Variants in CD82 observed in about 807,000 individuals in gnomAD.
The protein encoded by CD82 is CD82 antigen.
In CD82, 36 loss-of-function variants were observed where a neutral mutation model predicts 37.4. That is an observed-to-expected ratio of 0.96 (90% CI 0.74 to 1.27). The LOEUF is 1.27. Among genes scored for constraint, CD82 ranks in the 50% most tolerant of loss-of-function variants. The pLI, the probability that CD82 is intolerant of heterozygous loss-of-function variation, is 0.00. For missense variants in CD82, 340 were observed against 347.0 expected, an observed-to-expected ratio of 0.98 and a Z score of 0.16; for synonymous variants, 158 against 137.4, an observed-to-expected ratio of 1.15 and a Z score of -1.05.
Position 44,615,365 on chromosome 11 carries a change from C to A in CD82, c.430C>A (p.Gln144Lys). 6.2e-7 allele frequency: 1 copy of A among 1,608,034 alleles called. No homozygotes were observed. The change falls in exon 7 of 10, where the codon CAG becomes AAG. Residue 144 changes from glutamine to lysine, a missense_variant. Gln to Lys is a moderately conservative substitution (Grantham distance 53). Transcript: ENST00000227155. ...DSLQDAWDYV[Q>K]AQVKCCGWVS... ...CCTGCAGGATGCCTGGGACTACGTG[C>A]AGGCTCAGGTGAGGTGGGGCGGGGC...
At chr11:44,604,501 A>C (rs1295865068) in intron 4 of CD82, 1 of 163,964 alleles carries the variant, frequency 6.1e-6, no homozygotes, top group South Asian at 1.5e-4. Context: ...CATGAGGCAC[A>C]GTGAGTGGGC....
Position 44,619,151 on chromosome 11 carries a change from G to T in CD82, c.*25G>T, listed in dbSNP as rs376175476. The T allele has an allele frequency of 3.7e-4, 597 of 1,597,318 alleles. 4 individuals carry two copies. The African/African-American group carries it at 7.3e-3, about 20-fold the overall frequency. ...AGGCAGCTGCTATCCCCATCTCCCT[G>T]CCTGGCCCCCAACCTCAGGGCTCCC... On this transcript the variant is annotated 3_prime_UTR_variant, in exon 10 of 10. Transcript: ENST00000227155.
At chr11:44,615,565 C>T (rs575385308) in intron 7 of CD82, among the ~76,000 whole-genome samples, 192 bp downstream of exon 7, 1 of 152,332 alleles carries the variant, frequency 6.6e-6, no homozygotes, top group East Asian at 1.9e-4. Context: ...GGCCCAGAGA[C>T]TCAGAGGCAG....
chr11:44,564,945 C>G (rs897129855), upstream of CD82, among the ~76,000 whole-genome samples: 1 of 152,264 alleles, frequency 6.6e-6, no homozygotes, highest in African/African-American at 2.4e-5. Flanking sequence ...AGGGCTAGAA[C>G]TGTATTCAGC....
At chr11:44,609,762 A>G (rs1853454246) in intron 6 of CD82, among the ~76,000 whole-genome samples, 3 of 152,164 alleles carry the variant, frequency 2.0e-5, no homozygotes, top group Non-Finnish European at 4.4e-5. Context: ...GAGGAAGAGC[A>G]GCTGGAGCCT....
In CD82 at chr11:44,597,501, A is replaced by G. The variant is rs1054112410; in HGVS notation, c.64-2657A>G. ...TCTGCCACAGCCCCGTGGCTAATCC[A>G]GCCACATCTGACCATCAGGCTGGGG... On this transcript the variant is annotated intron_variant, in intron 3 of 9. Transcript: ENST00000227155. This position sits in a 1 kb window ranked among gnomAD's most constrained non-coding sequence, Gnocchi z 4.1. Among the ~76,000 whole-genome samples, 1 of 152,264 alleles carries G rather than the reference A, an allele frequency of 6.6e-6. No homozygotes were observed. The highest frequency in any genetic ancestry group is 1.5e-5 in the Non-Finnish European group (1 of 68,048).
At chr11:44,576,203 A>C (rs1182195040) in intron 1 of CD82, among the ~76,000 whole-genome samples, 1 of 152,194 alleles carries the variant, frequency 6.6e-6, no homozygotes, top group Non-Finnish European at 1.5e-5. Context: ...TCTCCTGTCA[A>C]GCCTGGGCTT....
At chr11:44,590,718 T>C (rs7952703) in intron 2 of CD82, among the ~76,000 whole-genome samples, 1 of 151,466 alleles carries the variant, frequency 6.6e-6, no homozygotes, top group South Asian at 2.1e-4. Flanking sequence ...CCAACCCTGG[T>C]TCCACACCAA....
chr11:44,617,077 C>A (rs1434933381), intron 7 of CD82, among the ~76,000 whole-genome samples: 22 of 152,078 alleles, frequency 1.4e-4, no homozygotes, highest in Admixed American at 1.4e-3. Context: ...ACTGGTCAGG[C>A]GACACCCCTC....
intron 4 of CD82, chr11:44,604,675 G>A (rs533985512): frequency 1.6e-5 from 5 of 308,410 alleles, no homozygotes; most frequent in Admixed American, 4.7e-5. Context: ...GGCGCTGTTC[G>A]AGCTGGGGGT....
At chr11:44,574,745 C>A (rs982823213) in intron 1 of CD82, among the ~76,000 whole-genome samples, 2 of 152,180 alleles carry the variant, frequency 1.3e-5, no homozygotes, top group African/African-American at 4.8e-5. Flanking sequence ...GATTGTACCA[C>A]ACAAACCACT....
At chr11:44,613,629 C>T (rs919500771) in intron 6 of CD82, among the ~76,000 whole-genome samples, 2 of 152,040 alleles carry the variant, frequency 1.3e-5, no homozygotes, top group African/African-American at 4.8e-5. Flanking sequence ...TCGAGACCAG[C>T]CCGGGCAACA....
At chr11:44,605,236 T>C in intron 5 of CD82, 54 bp downstream of exon 5, 1 of 1,607,514 alleles carries the variant, frequency 6.2e-7, no homozygotes, top group Non-Finnish European at 8.5e-7. Context: ...TCCAGCCGAG[T>C]GCAGCCTGAC....
chr11:44,611,632 A>T (rs933530582), intron 6 of CD82, among the ~76,000 whole-genome samples: 1 of 151,992 alleles, frequency 6.6e-6, no homozygotes, highest in African/African-American at 2.4e-5. Flanking sequence ...CCCTGGGGGG[A>T]TGGAGGGAGC....
intron 1 of CD82, among the ~76,000 whole-genome samples, chr11:44,569,649 A>G (rs979429976): frequency 2.0e-5 from 3 of 152,100 alleles, no homozygotes; most frequent in African/African-American, 7.2e-5. Context: ...TACAACCCCA[A>G]CACAGAGGAG....
At chr11:44,567,474 G>A (rs747322212) in intron 1 of CD82, among the ~76,000 whole-genome samples, 1 of 152,008 alleles carries the variant, frequency 6.6e-6, no homozygotes, top group African/African-American at 2.4e-5. Flanking sequence ...CTTCCTGGAG[G>A]GGGTGAGACT....
chr11:44,591,833 A>ATT (rs11463936), intron 2 of CD82, among the ~76,000 whole-genome samples: 12 of 151,602 alleles, frequency 7.9e-5, no homozygotes, highest in African/African-American at 1.9e-4. Flanking sequence ...TTTTGTTTTT[A>ATT]TTTTTTTTGA....
chr11:44,595,702 T>G (rs1274736224), intron 3 of CD82, among the ~76,000 whole-genome samples: 1 of 152,042 alleles, frequency 6.6e-6, no homozygotes, highest in African/African-American at 2.4e-5. Context: ...AATTACTTGT[T>G]TGGGGAACAG....
intron 6 of CD82, among the ~76,000 whole-genome samples, chr11:44,607,559 C>G (rs991513153): frequency 3.6e-4 from 55 of 152,322 alleles, no homozygotes; most frequent in African/African-American, 1.3e-3. Flanking sequence ...GGCAGTCCAC[C>G]CTATGTGATT....
Sources: allele counts gnomAD v4.1 joint callset (sites outside exome capture counted in the v4.1 genomes callset), GRCh38; gene constraint gnomAD v4.1.1; non-coding constraint Gnocchi (gnomAD v3.1); transcripts MANE v1.5; gene names NCBI Gene and HGNC (gene_info 2026-07-23, HGNC 2026-07-21).